Variants in PLB1 observed in about 807,000 individuals in gnomAD.
PLB1 encodes phospholipase B1, membrane-associated.
PLB1 carries 242 observed loss-of-function variants against 227.4 expected under a neutral mutation model. The observed-to-expected ratio is 1.06, with a 90% CI of 0.96 to 1.18. The LOEUF (loss-of-function observed/expected upper bound fraction) is 1.18, where lower values mean the gene tolerates loss of function less well. Ranked by LOEUF, PLB1 falls within the 50% of genes most tolerant of loss-of-function variation. The pLI is 0.00. For missense variants in PLB1, 1,858 were observed against 1,816.3 expected (o/e 1.02, Z -0.42); for synonymous variants, 757 against 682.2 (o/e 1.11, Z -1.71).
chr2:28,587,470 C>T (rs916315636), intron 26 of PLB1, among the ~76,000 whole-genome samples: 37 of 152,098 alleles, frequency 2.4e-4, no homozygotes, highest in South Asian at 2.1e-4. Flanking sequence ...ATTAGTCGGA[C>T]GTGGTGGCAC....
At chr2:28,531,993 T>C in intron 8 of PLB1, 115 bp from the exon 9 acceptor site, 2 of 774,370 alleles carry the variant, frequency 2.6e-6, no homozygotes, top group Non-Finnish European at 4.3e-6. Context: ...AAAAAATTCA[T>C]ACATGAGTTT....
chr2:28,581,307 G>A (rs1679896629), intron 23 of PLB1, among the ~76,000 whole-genome samples: 1 of 151,864 alleles, frequency 6.6e-6, no homozygotes, highest in Non-Finnish European at 1.5e-5. Context: ...GGTGTGCTCA[G>A]TAGCCCCAGA....
Position 28,625,052 on chromosome 2 carries a change from C to A in PLB1, c.3528-5C>A. On this transcript the variant is annotated splice_region_variant and splice_polypyrimidine_tract_variant and intron_variant, in intron 49 of 57. Coordinates refer to ENST00000327757, the MANE Select transcript of PLB1 (RefSeq NM_153021.5). ...CTAACGCCCCTCTCTCTACCCCCCA[C>A]CTAGGGACATGCCAGCCCAGGCCTG... is the stretch of plus-strand genomic sequence containing the variant. 1 of 1,613,482 alleles carries A rather than the reference C, an allele frequency of 6.2e-7. No homozygotes were observed. The highest frequency in any genetic ancestry group is 2.2e-5 in the East Asian group (1 of 44,848).
At chr2:28,511,899 T>C (rs1572669794) in intron 1 of PLB1, among the ~76,000 whole-genome samples, 2 of 151,384 alleles carry the variant, frequency 1.3e-5, no homozygotes, top group East Asian at 3.9e-4. Flanking sequence ...ATTCTCCTGC[T>C]TCAGCCTTCC....
chr2:28,550,516 C>T (rs1229917418), intron 16 of PLB1, among the ~76,000 whole-genome samples: 1 of 147,202 alleles, frequency 6.8e-6, no homozygotes, highest in East Asian at 2.0e-4. Context: ...GATTTGCAAC[C>T]TCAATACAAT....
chr2:28,633,328 T>C (rs935880358), intron 56 of PLB1: 4 of 411,662 alleles, frequency 9.7e-6, no homozygotes, highest in Non-Finnish European at 1.8e-5. Flanking sequence ...ATAGGTTGGC[T>C]AGATGAAAAT....
At chr2:28,550,787 A>G (rs1674121968) in intron 16 of PLB1, among the ~76,000 whole-genome samples, 1 of 151,324 alleles carries the variant, frequency 6.6e-6, no homozygotes, top group African/African-American at 2.4e-5. Context: ...TGGTCCACCC[A>G]ACTCAGCCTC....
rs527978080 is a variant in PLB1, at chr2:28,554,942, C to T, written c.1147+1951C>T. Among the ~76,000 whole-genome samples, 32 of 152,088 alleles carry T rather than the reference C, an allele frequency of 2.1e-4. 1 individual carries two copies. The highest frequency in any genetic ancestry group is 2.0e-3 in the Admixed American group (30 of 15,264). On this transcript the variant is annotated intron_variant, in intron 17 of 57. Transcript: ENST00000327757. ...GTGACAGGAGCCATTTATATAATAA[C>T]AAGATGGGTAGATTTAGGCTCCTCG...
At chr2:28,588,453 T>C (rs1681291819) in intron 26 of PLB1, among the ~76,000 whole-genome samples, 1 of 152,136 alleles carries the variant, frequency 6.6e-6, no homozygotes, top group Admixed American at 6.5e-5. Context: ...AGGTCAGACA[T>C]GAGACATTCC....
chr2:28,515,638 C>T (rs761729046), intron 1 of PLB1, among the ~76,000 whole-genome samples: 3 of 152,116 alleles, frequency 2.0e-5, no homozygotes, highest in Non-Finnish European at 4.4e-5. Flanking sequence ...TTTTCAGGGT[C>T]AAAAAGTAAA....
chr2:28,598,199 G>A (rs1362618240), intron 34 of PLB1, 151 bp downstream of exon 34: 7 of 663,542 alleles, frequency 1.1e-5, no homozygotes, highest in Non-Finnish European at 1.8e-5. Context: ...AAAAGCAGCC[G>A]AGGCAGGTAA....
chr2:28,514,361 G>A (rs1024544074), intron 1 of PLB1, among the ~76,000 whole-genome samples: 8 of 152,128 alleles, frequency 5.3e-5, no homozygotes, highest in Non-Finnish European at 1.0e-4. Flanking sequence ...CAATCCTGGA[G>A]TCAGATAGTA....
intron 14 of PLB1, among the ~76,000 whole-genome samples, chr2:28,543,752 A>G (rs1389534158): frequency 2.0e-5 from 3 of 152,208 alleles, no homozygotes; most frequent in African/African-American, 7.2e-5. Context: ...TCAGGTCTCA[A>G]TGCTCTTTCT....
chr2:28,640,226 G>GGTT (rs1284574093), intron 56 of PLB1, among the ~76,000 whole-genome samples: 4 of 152,182 alleles, frequency 2.6e-5, no homozygotes, highest in Admixed American at 6.5e-5. Context: ...ACAGTGCCAG[G>GGTT]GGCTCATTCT....
intron 17 of PLB1, among the ~76,000 whole-genome samples, chr2:28,562,339 C>T (rs936206720): frequency 2.6e-5 from 4 of 151,834 alleles, no homozygotes; most frequent in Admixed American, 2.0e-4. Context: ...GTCAGGAGAT[C>T]GAGACCATCC....
At chr2:28,539,028 G>A in intron 10 of PLB1, 71 bp from the exon 11 acceptor site, 3 of 1,250,222 alleles carry the variant, frequency 2.4e-6, no homozygotes, top group South Asian at 1.2e-5. Flanking sequence ...GGCCCAAGCA[G>A]GAGTTCCAGA....
At position 28,585,820 on chromosome 2, in the gene PLB1, T is replaced by A. The variant is rs775900854; in HGVS notation, c.1793T>A (p.Ile598Asn). The change falls in exon 26 of 58, where the codon ATC becomes AAC. Residue 598 changes from isoleucine (I) to asparagine (N), a missense_variant. By Grantham distance (149) the Ile-to-Asn change is moderately radical (BLOSUM62 -3). Transcript: ENST00000327757. Reference protein sequence around the residue: ...DDNSTELATLIEFNKKFQEKT... With the variant: ...DDNSTELATLNEFNKKFQEKT... ...AACTCAACAGAACTTGCTACCCTCA[T>A]CGAATTCAACAAGAAGTTTCAGGTA... 6.2e-7 allele frequency: 1 copy of A among 1,610,686 alleles called. No homozygotes were observed. The highest frequency in any genetic ancestry group is 8.5e-7 in the Non-Finnish European group (1 of 1,176,990).
chr2:28,567,648 A>G (rs1433064996), intron 20 of PLB1, among the ~76,000 whole-genome samples: 5 of 151,460 alleles, frequency 3.3e-5, no homozygotes, highest in Non-Finnish European at 7.4e-5. Flanking sequence ...TAATTTTTGT[A>G]TTTTTAATAG....
At chr2:28,497,834 T>A (rs892893721) in intron 1 of PLB1, among the ~76,000 whole-genome samples, 3 of 151,950 alleles carry the variant, frequency 2.0e-5, no homozygotes, top group African/African-American at 7.3e-5. Context: ...TTCCCCTGCC[T>A]CAGCCTCCTG....
Sources: gnomAD v4.1 joint callset for allele counts (sites outside exome capture counted in the v4.1 genomes callset) on GRCh38, gnomAD v4.1.1 for gene constraint, MANE v1.5 for transcripts, NCBI Gene and HGNC (gene_info 2026-07-23, HGNC 2026-07-21) for gene names.